Variants in XRCC4 observed in about 807,000 individuals in gnomAD.
XRCC4 encodes the protein X-ray repair cross complementing 4.
A neutral mutation model predicts 39.1 loss-of-function variants in XRCC4; 28 were observed. That is an observed-to-expected ratio of 0.72 (90% CI 0.53 to 0.98). The LOEUF is 0.98. Among genes scored for constraint, XRCC4 ranks in the 50% least tolerant of loss-of-function variants. The pLI is 0.00. For synonymous variants in XRCC4, 123 were observed against 126.4 expected (o/e 0.97, Z 0.18); for missense variants, 350 against 376.4 (o/e 0.93, Z 0.58).
At chr5:83,119,365 A>G (rs1259493114) in intron 3 of XRCC4, among the ~76,000 whole-genome samples, 1 of 152,190 alleles carries the variant, frequency 6.6e-6, no homozygotes, top group Non-Finnish European at 1.5e-5. Flanking sequence ...GTATTTGTGT[A>G]CATGTGCCAT....
At chr5:83,352,698 T>C (rs1757115930) in intron 7 of XRCC4, among the ~76,000 whole-genome samples, 1 of 152,194 alleles carries the variant, frequency 6.6e-6, no homozygotes, top group East Asian at 1.9e-4. Flanking sequence ...CTAAAGGTAA[T>C]TCATGTGACC....
chr5:83,182,820 G>C (rs1054442071), intron 3 of XRCC4, among the ~76,000 whole-genome samples: 1 of 152,050 alleles, frequency 6.6e-6, no homozygotes, highest in African/African-American at 2.4e-5. Flanking sequence ...GCAGCAAGAC[G>C]GTGCCCTCTG....
chr5:83,251,116 T>A (rs941366130), intron 6 of XRCC4, among the ~76,000 whole-genome samples: 1 of 152,208 alleles, frequency 6.6e-6, no homozygotes, highest in Non-Finnish European at 1.5e-5. Flanking sequence ...TATTTGCCTC[T>A]GCATAGAATA....
intron 7 of XRCC4, among the ~76,000 whole-genome samples, chr5:83,285,240 G>A (rs762526959): frequency 6.6e-6 from 1 of 152,136 alleles, no homozygotes; most frequent in African/African-American, 2.4e-5. Flanking sequence ...AAATAAATGT[G>A]TAGAAGTTTA....
intron 3 of XRCC4, among the ~76,000 whole-genome samples, chr5:83,131,924 T>A (rs1268858226): frequency 1.3e-5 from 2 of 152,174 alleles, no homozygotes; most frequent in African/African-American, 4.8e-5. Flanking sequence ...CCTGTCATTA[T>A]GACGTTAGCT....
At chr5:83,196,904 T>A (rs1162100333) in intron 4 of XRCC4, among the ~76,000 whole-genome samples, 1 of 151,812 alleles carries the variant, frequency 6.6e-6, no homozygotes, top group Non-Finnish European at 1.5e-5. Flanking sequence ...TGAAAAATGG[T>A]GACGATTTTA....
chr5:83,336,835 G>A (rs1350628692), intron 7 of XRCC4, among the ~76,000 whole-genome samples: 1 of 152,052 alleles, frequency 6.6e-6, no homozygotes, highest in East Asian at 1.9e-4. Flanking sequence ...AGTAGGGTGG[G>A]ATATAACTAA....
intron 3 of XRCC4, among the ~76,000 whole-genome samples, chr5:83,160,637 A>G (rs1052930806): frequency 6.6e-6 from 1 of 152,206 alleles, no homozygotes; most frequent in African/African-American, 2.4e-5. Flanking sequence ...ACTTCGGAAA[A>G]TATTCTTTCA....
At chr5:83,265,545 TATTA>T (rs1188488791) in intron 7 of XRCC4, among the ~76,000 whole-genome samples, 57 of 152,316 alleles carry the variant, frequency 3.7e-4, no homozygotes, top group Non-Finnish European at 7.4e-4. Context: ...AAAGATGATT[TATTA>T]ATTGTGTTTG....
chr5:83,322,215 A>T (rs973491882), intron 7 of XRCC4, among the ~76,000 whole-genome samples: 1 of 152,014 alleles, frequency 6.6e-6, no homozygotes, highest in African/African-American at 2.4e-5. Context: ...ACCTAATTAT[A>T]AAACAAATTT....
the XRCC4 span, among the ~76,000 whole-genome samples, chr5:83,362,354 A>C: frequency 2.0e-5 from 3 of 150,284 alleles, no homozygotes; most frequent in Non-Finnish European, 2.9e-5. Flanking sequence ...ATGTATTCAC[A>C]TATTGATTTA....
At chr5:83,252,135 A>G (rs1753345313) in intron 6 of XRCC4, among the ~76,000 whole-genome samples, 1 of 152,178 alleles carries the variant, frequency 6.6e-6, no homozygotes, top group South Asian at 2.1e-4. Flanking sequence ...TGTCAGTAAG[A>G]CATACTACAG....
At chr5:83,128,349 A>G (rs963574275) in intron 3 of XRCC4, among the ~76,000 whole-genome samples, 1 of 152,158 alleles carries the variant, frequency 6.6e-6, no homozygotes, top group Non-Finnish European at 1.5e-5. Flanking sequence ...TATATGTGCC[A>G]CATTTTCTTA....
intron 6 of XRCC4, 78 bp downstream of exon 6, chr5:83,204,999 G>A: frequency 3.0e-6 from 3 of 1,014,956 alleles, no homozygotes; most frequent in South Asian, 3.7e-5. Flanking sequence ...AAACCATAAT[G>A]GAAAAATGTT....
chr5:83,113,438 T>C (rs1746544759), intron 3 of XRCC4, among the ~76,000 whole-genome samples: 1 of 152,112 alleles, frequency 6.6e-6, no homozygotes, highest in South Asian at 2.1e-4. Flanking sequence ...TGTCGGTGGA[T>C]CTACCATTCT....
At chr5:83,362,378 C>T in the XRCC4 span, among the ~76,000 whole-genome samples, 1 of 150,704 alleles carries the variant, frequency 6.6e-6, no homozygotes, top group Admixed American at 6.6e-5. Flanking sequence ...GTATTCTCCC[C>T]CAAAAGATAA....
chr5:83,235,482 T>TG (rs1269263799), intron 6 of XRCC4, among the ~76,000 whole-genome samples: 1 of 151,944 alleles, frequency 6.6e-6, no homozygotes, highest in Non-Finnish European at 1.5e-5. Context: ...CTTCCACAGA[T>TG]GCCAAAAAAG....
intron 3 of XRCC4, among the ~76,000 whole-genome samples, chr5:83,191,504 AC>A (rs1750692357): frequency 6.6e-6 from 1 of 152,200 alleles, no homozygotes; most frequent in Non-Finnish European, 1.5e-5. Flanking sequence ...GGAGTTCGAG[AC>A]CAGCCTGACC....
At chr5:83,232,981 G>A (rs1231728853) in intron 6 of XRCC4, among the ~76,000 whole-genome samples, 2 of 152,110 alleles carry the variant, frequency 1.3e-5, no homozygotes, top group Admixed American at 6.6e-5. Context: ...AAAAGCCCAT[G>A]CTATTTAATT....
Sources: allele counts gnomAD v4.1 joint callset (sites outside exome capture counted in the v4.1 genomes callset), GRCh38; gene constraint gnomAD v4.1.1; transcripts MANE v1.5; gene names NCBI Gene and HGNC (gene_info 2026-07-23, HGNC 2026-07-21).